The following CEP290 variants were observed in gnomAD, a reference collection of about 807,000 sequenced individuals.
The protein encoded by CEP290 is centrosomal protein 290.
CEP290 carries 317 observed loss-of-function variants against 344.9 expected under a neutral mutation model. The ratio of observed to expected loss-of-function variants is 0.92; its 90% CI spans 0.84 to 1.01. CEP290 has a LOEUF of 1.01. CEP290 is among the 50% of genes least tolerant of loss of function. The pLI is 0.00. For missense variants in CEP290, 2,754 were observed against 2,761.4 expected, an observed-to-expected ratio of 1.00 and a Z score of 0.06; for synonymous variants, 932 against 895.8, an observed-to-expected ratio of 1.04 and a Z score of -0.72.
rs897678728 is a variant in CEP290, at chr12:88,095,453, G to A, written c.3103+1435C>T. Among the ~76,000 whole-genome samples the A allele has an allele frequency of 2.4e-4, 37 of 152,108 alleles. 1 individual carries two copies. The highest frequency in any genetic ancestry group is 2.9e-5 in the Non-Finnish European group (2 of 68,000). On this transcript the variant is annotated intron_variant, in intron 27 of 53. Transcript: ENST00000552810. Reference sequence around the variant, plus strand: ...GATATGTAAAAATTAAAGAATTTCTGTAGGGAATTCAGCATTTATTAAAAA... The same window carrying A: ...GATATGTAAAAATTAAAGAATTTCTATAGGGAATTCAGCATTTATTAAAAA...
chr12:88,066,342 C>T (rs969680853), intron 44 of CEP290, among the ~76,000 whole-genome samples: 5 of 152,152 alleles, frequency 3.3e-5, no homozygotes, highest in Non-Finnish European at 5.9e-5. Flanking sequence ...CTCTGTTGCC[C>T]AGTCTGGAGT....
At chr12:88,068,302 T>C (rs986615748) in intron 44 of CEP290, among the ~76,000 whole-genome samples, 15 of 152,066 alleles carry the variant, frequency 9.9e-5, no homozygotes, top group African/African-American at 3.4e-4. Context: ...TTATGAGCTT[T>C]ATGAAAAGCT....
chr12:88,106,930 C>T (rs1329363449), intron 24 of CEP290, 25 bp from the exon 25 acceptor site: 1 of 1,572,524 alleles, frequency 6.4e-7, no homozygotes, highest in Non-Finnish European at 8.7e-7. Flanking sequence ...ATCCATATTA[C>T]TTGTTGAATC....
rs1259406043 is a variant in CEP290, at chr12:88,054,324, T to A, written c.7034+16A>T. 3.2e-6 allele frequency: 5 copies of A among 1,548,222 alleles called. No homozygotes were observed. Among genetic ancestry groups the A allele is most frequent in the African/African-American group, 2.8e-5 (2 of 72,344 alleles). ...TAAAGAAAAAAACAAAGTAGTCATA[T>A]GAATACATGATGTACCTAAGAACTT... On this transcript the variant is annotated intron_variant, in intron 51 of 53. Transcript: ENST00000552810.
Position 88,052,303 on chromosome 12 carries a change from A to G in CEP290, c.7129+1349T>C, listed in dbSNP as rs1049765896. On this transcript the variant is annotated intron_variant, in intron 52 of 53. Coordinates refer to ENST00000552810, the MANE Select transcript of CEP290 (RefSeq NM_025114.4). ...GGTCAATAGATTAATCATATTTTATAGAAGCAGAAACTTGGAAGCAAACTA... is the reference window on the plus strand; with the variant it reads ...GGTCAATAGATTAATCATATTTTATGGAAGCAGAAACTTGGAAGCAAACTA... Among the ~76,000 whole-genome samples, 41 of 152,222 alleles carry G rather than the reference A, an allele frequency of 2.7e-4. 1 individual carries two copies. Among genetic ancestry groups the G allele is most frequent in the Non-Finnish European group, 2.8e-4 (19 of 68,034 alleles).
At position 88,054,182 on chromosome 12, in the gene CEP290, G is replaced by A. The variant is rs533646871; in HGVS notation, c.7034+158C>T. Among the ~76,000 whole-genome samples the A allele has an allele frequency of 2.6e-5, 4 of 152,180 alleles. No homozygotes were observed. In the South Asian group the frequency reaches 6.2e-4, roughly 24 times the overall value. On this transcript the variant is annotated intron_variant, in intron 51 of 53. Coordinates refer to ENST00000552810, the MANE Select transcript of CEP290 (RefSeq NM_025114.4). ...TCTAGTGTGTATTATGAAAAAGAGT[G>A]ATTAGCATTAGAGGGAAGAAATAAG... is the stretch of plus-strand genomic sequence containing the variant.
chr12:88,114,190 A>G (rs1459693991), intron 20 of CEP290, among the ~76,000 whole-genome samples: 1 of 152,136 alleles, frequency 6.6e-6, no homozygotes, highest in African/African-American at 2.4e-5. Context: ...CCAAAAGAAC[A>G]CAGATAAAGA....
chr12:88,114,690 AC>A (rs1371020575), intron 19 of CEP290, 128 bp from the exon 20 acceptor site: 1 of 830,550 alleles, frequency 1.2e-6, no homozygotes, highest in African/African-American at 1.8e-5. Flanking sequence ...AAATAAACAT[AC>A]AAAAAAATTC....
At chr12:88,092,651 C>A in intron 29 of CEP290, 30 bp downstream of exon 29, 1 of 1,577,818 alleles carries the variant, frequency 6.3e-7, no homozygotes, top group South Asian at 1.2e-5. Flanking sequence ...TACATCTAGT[C>A]AAATGGCTAA....
intron 15 of CEP290, 33 bp from the exon 16 acceptor site, chr12:88,118,776 A>C: frequency 6.7e-7 from 1 of 1,490,426 alleles, no homozygotes; most frequent in Non-Finnish European, 9.2e-7. Flanking sequence ...TAAAAACTTA[A>C]AAACATTCAA....
intron 13 of CEP290, among the ~76,000 whole-genome samples, chr12:88,125,037 A>T (rs1328430224): frequency 6.6e-6 from 1 of 151,966 alleles, no homozygotes; most frequent in Non-Finnish European, 1.5e-5. Context: ...AATTTTCACC[A>T]GAGGAGAAAA....
At chr12:88,131,029 A>G in intron 7 of CEP290, 136 bp downstream of exon 7, 1 of 639,342 alleles carries the variant, frequency 1.6e-6, no homozygotes, top group Non-Finnish European at 2.5e-6. Context: ...AGACAAAGTC[A>G]TACCATAAAA....
chr12:88,117,179 T>A, intron 17 of CEP290, 34 bp from the exon 18 acceptor site: 1 of 1,009,506 alleles, frequency 9.9e-7, no homozygotes, highest in Non-Finnish European at 1.5e-6. Context: ...CTAAAAACAT[T>A]AAAATAACCC....
intron 43 of CEP290, among the ~76,000 whole-genome samples, chr12:88,069,120 G>A (rs916142621): frequency 2.4e-4 from 36 of 152,024 alleles, no homozygotes; most frequent in African/African-American, 8.0e-4. Flanking sequence ...ACCCTCCATG[G>A]TTTGCCACCT....
chr12:88,053,505 C>T (rs909356525), intron 52 of CEP290, 147 bp downstream of exon 52: 3 of 596,214 alleles, frequency 5.0e-6, no homozygotes, highest in Non-Finnish European at 9.0e-6. Context: ...ATATTAATAG[C>T]ACAGAGAGAC....
At chr12:88,088,914 A>T in intron 31 of CEP290, 118 bp downstream of exon 31, 1 of 589,630 alleles carries the variant, frequency 1.7e-6, no homozygotes, top group Non-Finnish European at 2.7e-6. Context: ...CAGGAGGCTG[A>T]GGCTAGAGAG....
At position 88,051,791 on chromosome 12, in the gene CEP290, T is replaced by C. The variant is rs147574218; in HGVS notation, c.7130-1358A>G. ...GTTAGTATATGGATGGAAGGAAAATTATAAAATTTTCCTCACATCAACAGC... is the reference window on the plus strand; with the variant it reads ...GTTAGTATATGGATGGAAGGAAAATCATAAAATTTTCCTCACATCAACAGC... On this transcript the variant is annotated intron_variant, in intron 52 of 53. Coordinates refer to ENST00000552810, the MANE Select transcript of CEP290 (RefSeq NM_025114.4). 6 of 152,258 alleles carry C rather than the reference T, an allele frequency of 3.9e-5. No individual in the cohort carries two copies. The East Asian group carries it at 1.2e-3, about 29-fold the overall frequency. The allele number at this position is 152,258 out of a possible 1,614,324, so 9.4% of individuals were successfully genotyped here. A position where few individuals can be genotyped will look rare whatever the true frequency, so the allele number is the denominator to read the frequency against.
intron 45 of CEP290, among the ~76,000 whole-genome samples, chr12:88,063,474 C>T (rs964946393): frequency 5.3e-5 from 8 of 152,006 alleles, no homozygotes; most frequent in Admixed American, 1.3e-4. Context: ...CGCATCCTCC[C>T]ACCTTAGGAC....
chr12:88,075,476 G>A (rs1038291295), intron 41 of CEP290, among the ~76,000 whole-genome samples: 2 of 151,704 alleles, frequency 1.3e-5, no homozygotes, highest in East Asian at 3.9e-4. Flanking sequence ...ATTGTTCTAG[G>A]TGCTGGGAAT....
Sources: allele counts gnomAD v4.1 joint callset (sites outside exome capture counted in the v4.1 genomes callset), GRCh38; gene constraint gnomAD v4.1.1; transcripts MANE v1.5; gene names NCBI Gene and HGNC (gene_info 2026-07-23, HGNC 2026-07-21).